The following CCDC80 variants were observed in gnomAD, a reference collection of about 807,000 sequenced individuals.
The protein encoded by CCDC80 is coiled-coil domain-containing protein 80.
Under a neutral mutation model 78.7 loss-of-function variants are expected in CCDC80, and 49 were observed. The observed-to-expected ratio is 0.62, with a 90% CI of 0.50 to 0.79. The LOEUF (loss-of-function observed/expected upper bound fraction) is 0.79, where lower values mean the gene tolerates loss of function less well. Among genes scored for constraint, CCDC80 ranks in the 30% least tolerant of loss-of-function variants. The probability of loss-of-function intolerance (pLI) is 0.00; values close to 1 mark genes in which losing one functional copy is unlikely to be tolerated. For synonymous variants in CCDC80, 488 were observed against 447.0 expected, an observed-to-expected ratio of 1.09 and a Z score of -1.16; for missense variants, 1,205 against 1,198.6, an observed-to-expected ratio of 1.01 and a Z score of -0.08.
chr3:112,637,482 T>C (rs1936229709), intron 2 of CCDC80, among the ~76,000 whole-genome samples: 1 of 152,200 alleles, frequency 6.6e-6, no homozygotes, highest in African/African-American at 2.4e-5. Context: ...CTGTCTTACT[T>C]TCCTCTTGGA....
chr3:112,622,822 ATTTTTTTTTTTTT>A (rs373170477), intron 3 of CCDC80, among the ~76,000 whole-genome samples: 35,922 of 119,210 alleles, frequency 0.3, 4,985 homozygotes, highest in Middle Eastern at 0.54. Context: ...TGCCCAGCTA[ATTTTTTTTTTTTT>A]TTTTTTTTTT....
At position 112,639,340 on chromosome 3, in the gene CCDC80, A is replaced by G. The variant is rs911503525; in HGVS notation, c.566T>C (p.Leu189Pro). ...TCCTTCCTCACCTGCCTGGTGGAAGAGCACAATCTGTTGGATGTGCCTCTC... is the reference window on the plus strand; with the variant it reads ...TCCTTCCTCACCTGCCTGGTGGAAGGGCACAATCTGTTGGATGTGCCTCTC... ...LAERHIQQIV[L>P]FHQAGEEGGK... is the part of the protein sequence containing the mutation. The change falls in exon 2 of 8, where the codon CTC (leucine) becomes CCC (proline). Residue 189 changes from leucine to proline, a missense_variant. By Grantham distance (98) the Leu-to-Pro change is moderately conservative (BLOSUM62 -3). Transcript: ENST00000206423. 7.4e-6 allele frequency: 12 copies of G among 1,614,126 alleles called. No homozygotes were observed. Among genetic ancestry groups the G allele is most frequent in the Non-Finnish European group, 1.7e-6 (2 of 1,180,020 alleles).
At position 112,601,466 on chromosome 3, in the gene CCDC80, A is replaced by G. The variant is rs1280097596; in HGVS notation, c.*3951T>C. On this transcript the variant is annotated 3_prime_UTR_variant, in exon 8 of 8. Transcript: ENST00000206423. Reference sequence around the variant, plus strand: ...AATGCCTATCTGAGGGGAAGCTCATAAATATTACTTGACAATATTACTTGA... The same window carrying G: ...AATGCCTATCTGAGGGGAAGCTCATGAATATTACTTGACAATATTACTTGA... The G allele has an allele frequency of 1.3e-5, 2 of 152,186 alleles. No individual in the cohort carries two copies. The highest frequency in any genetic ancestry group is 2.9e-5 in the Non-Finnish European group (2 of 68,054). The allele number at this position is 152,186 out of a possible 1,614,324, so 9.4% of individuals were successfully genotyped here. A position where few individuals can be genotyped will look rare whatever the true frequency, so the allele number is the denominator to read the frequency against.
rs1264516805 is a variant in CCDC80 at position 112,605,399 on chromosome 3, A to G, written c.*18T>C. 3 of 1,578,560 alleles carry G rather than the reference A, an allele frequency of 1.9e-6. No individual in the cohort carries two copies. Among genetic ancestry groups the G allele is most frequent in the Non-Finnish European group, 2.6e-6 (3 of 1,153,212 alleles). On this transcript the variant is annotated 3_prime_UTR_variant, in exon 8 of 8. Transcript: ENST00000206423. The stretch of plus-strand genomic sequence containing the variant: ...GCTGCAGAGGAAACTGGCTGAGTCT[A>G]AGGTTACATATTTCTGCTCAGTAAG...
At chr3:112,629,858 T>C (rs1442146480) in intron 3 of CCDC80, among the ~76,000 whole-genome samples, 1 of 152,174 alleles carries the variant, frequency 6.6e-6, no homozygotes, top group Non-Finnish European at 1.5e-5. Context: ...ACTTTTCCCA[T>C]TTTCTTCCAC....
chr3:112,626,580 C>T (rs554940061), intron 3 of CCDC80, among the ~76,000 whole-genome samples: 1 of 152,214 alleles, frequency 6.6e-6, no homozygotes, highest in East Asian at 1.9e-4. Flanking sequence ...CAGAGTGTCA[C>T]TTTGTCACCC....
chr3:112,639,447 G>A lies in CCDC80; in HGVS notation c.459C>T (p.Val153=), dbSNP rs539065076. The A allele has an allele frequency of 6.2e-7, 1 of 1,614,170 alleles. No individual in the cohort carries two copies. The highest frequency in any genetic ancestry group is 8.5e-7 in the Non-Finnish European group (1 of 1,180,032). ...CTTCCGAGGCATGAGGGGCTGAGAT[G>A]ACCCATACTCTGTTCTTCCCTGCAA... The part of the protein sequence containing the change: ...ASFAGKNRVW[V]ISAPHASEGY... Residue 153 remains valine (V), a synonymous_variant, in exon 2 of 8, where the codon GTC becomes GTT. Transcript: ENST00000206423.
chr3:112,619,430 G>A (rs1231445843), intron 3 of CCDC80, among the ~76,000 whole-genome samples: 2 of 152,162 alleles, frequency 1.3e-5, no homozygotes, highest in African/African-American at 4.8e-5. Context: ...CACCCAGGGA[G>A]TGAGTCTTCA....
chr3:112,603,541 ATATT>A lies in CCDC80; in HGVS notation c.*1872_*1875del, dbSNP rs1341943078. The stretch of plus-strand genomic sequence containing the variant: ...AAAAAAATATATATATATATAATAT[ATATT>A]ATATATTTTATATATGTATATAAAA... On this transcript the variant is annotated 3_prime_UTR_variant, in exon 8 of 8. Transcript: ENST00000206423. 4 of 146,832 alleles carry A rather than the reference ATATT, an allele frequency of 2.7e-5. No individual in the cohort carries two copies. Among genetic ancestry groups the A allele is most frequent in the African/African-American group, 7.5e-5 (3 of 40,222 alleles). The allele number at this position is 146,832 out of a possible 1,614,324, so 9.1% of individuals were successfully genotyped here.
rs1280125107 is a variant in CCDC80 at position 112,630,255 on chromosome 3, G to A, written c.1893C>T (p.Pro631=). The A allele has an allele frequency of 5.0e-6, 8 of 1,613,672 alleles. No homozygotes were observed. The highest frequency in any genetic ancestry group is 6.8e-6 in the Non-Finnish European group (8 of 1,179,740). ...GCACATACATATTGTTCTCAGCCTT[G>A]GGAGCAGTGATCAGCTGGAGGTGGG... ...GKRRLLLITA[P]KAENNMYVQQ... The change falls in exon 3 of 8, where the codon CCC becomes CCT. Residue 631 remains proline, a synonymous_variant. Transcript: ENST00000206423.
At position 112,599,564 on chromosome 3, in the gene CCDC80, G is replaced by A. The variant is rs1222524864; in HGVS notation, c.*5853C>T. On this transcript the variant is annotated 3_prime_UTR_variant, in exon 8 of 8. Coordinates refer to ENST00000206423, the MANE Select transcript of CCDC80 (RefSeq NM_199511.3). ...GAAACGAACAGAGAAACGAACAGAG[G>A]TTTTTTCCAAGGGCCTTCTATTTTT... The A allele has an allele frequency of 1.3e-5, 2 of 152,290 alleles. No individual in the cohort carries two copies. Among genetic ancestry groups the A allele is most frequent in the Non-Finnish European group, 2.9e-5 (2 of 68,180 alleles). The allele number at this position is 152,290 out of a possible 1,614,324, so 9.4% of individuals were successfully genotyped here.
In CCDC80 at chr3:112,639,806, C is replaced by G; in HGVS notation, c.100G>C (p.Gly34Arg). The part of the protein sequence containing the change: ...HPHATIRGSH[G>R]GRKVPLVSPD... ...GAAACCAAAGGCACTTTCCGTCCTC[C>G]GTGGCTGCCTCTAATAGTGGCATGG... is the stretch of plus-strand genomic sequence containing the variant. The change falls in exon 2 of 8, where the codon GGA becomes CGA. Residue 34 changes from glycine to arginine, a missense_variant. Gly to Arg is a moderately radical substitution (Grantham distance 125, BLOSUM62 -2). Transcript: ENST00000206423. The G allele has an allele frequency of 3.1e-6, 5 of 1,614,182 alleles. No individual in the cohort carries two copies. Among genetic ancestry groups the G allele is most frequent in the Middle Eastern group, 3.3e-4 (2 of 6,062 alleles).
intron 5 of CCDC80, among the ~76,000 whole-genome samples, chr3:112,613,282 G>C (rs1219825882): frequency 6.6e-6 from 1 of 152,026 alleles, no homozygotes; most frequent in Non-Finnish European, 1.5e-5. Flanking sequence ...TTAGCAGAAT[G>C]ATTTTATGAG....
intron 7 of CCDC80, among the ~76,000 whole-genome samples, chr3:112,606,680 C>T (rs989855440): frequency 5.3e-5 from 8 of 152,106 alleles, no homozygotes; most frequent in African/African-American, 1.9e-4. Flanking sequence ...CCACCTCGGC[C>T]TCCCAAAGTG....
At position 112,604,925 on chromosome 3, in the gene CCDC80, A is replaced by C. The variant is rs548004585; in HGVS notation, c.*492T>G. 3.9e-5 allele frequency: 6 copies of C among 152,420 alleles called. No individual in the cohort carries two copies. Among genetic ancestry groups the C allele is most frequent in the African/African-American group, 1.2e-4 (5 of 41,586 alleles). The allele number at this position is 152,420 out of a possible 1,614,324, so 9.4% of individuals were successfully genotyped here. A position where few individuals can be genotyped will look rare whatever the true frequency, so the allele number is the denominator to read the frequency against. On this transcript the variant is annotated 3_prime_UTR_variant, in exon 8 of 8. Transcript: ENST00000206423. Reference sequence around the variant, plus strand: ...TTCATAAAAGAAACTCATACAAAGCAGAGATATCTTAATTATTTTCAGACT... The same window carrying C: ...TTCATAAAAGAAACTCATACAAAGCCGAGATATCTTAATTATTTTCAGACT...
At chr3:112,624,767 T>A (rs1190436236) in intron 3 of CCDC80, among the ~76,000 whole-genome samples, 2 of 152,234 alleles carry the variant, frequency 1.3e-5, no homozygotes, top group African/African-American at 4.8e-5. Context: ...TTGAAAAATA[T>A]ATTCAGAAAT....
chr3:112,603,723 A>G lies in CCDC80; in HGVS notation c.*1694T>C, dbSNP rs1935416936. The stretch of plus-strand genomic sequence containing the variant: ...TAACACAATACCTATTGTGCAGCAC[A>G]GGAATCAAGGAGTCATTTGCACTTT... On this transcript the variant is annotated 3_prime_UTR_variant, in exon 8 of 8. Transcript: ENST00000206423. 6.6e-6 allele frequency: 1 copy of G among 152,080 alleles called. No individual in the cohort carries two copies. The highest frequency in any genetic ancestry group is 1.5e-5 in the Non-Finnish European group (1 of 68,034). The allele number at this position is 152,080 out of a possible 1,614,324, so 9.4% of individuals were successfully genotyped here. A position where few individuals can be genotyped will look rare whatever the true frequency, so the allele number is the denominator to read the frequency against.
intron 3 of CCDC80, among the ~76,000 whole-genome samples, chr3:112,626,915 C>G (rs530362969): frequency 1.3e-5 from 2 of 152,212 alleles, no homozygotes; most frequent in East Asian, 3.9e-4. Context: ...TTTTCTCTCT[C>G]CTTGTTGCCA....
intron 5 of CCDC80, among the ~76,000 whole-genome samples, chr3:112,613,461 A>G (rs1165242594): frequency 6.6e-6 from 1 of 152,240 alleles, no homozygotes; most frequent in Non-Finnish European, 1.5e-5. Flanking sequence ...CCCATCTAGT[A>G]CAAAAGACTT....
Sources: allele counts gnomAD v4.1 joint callset (sites outside exome capture counted in the v4.1 genomes callset), GRCh38; gene constraint gnomAD v4.1.1; transcripts MANE v1.5; gene names NCBI Gene and HGNC (gene_info 2026-07-23, HGNC 2026-07-21).